The following GRIA1 variants were observed in gnomAD, a reference collection of about 807,000 sequenced individuals.
GRIA1 encodes glutamate receptor 1.
In GRIA1, 31 loss-of-function variants were observed where a neutral mutation model predicts 99.2. The ratio of observed to expected loss-of-function variants is 0.31; its 90% confidence interval spans 0.23 to 0.42. The LOEUF is 0.42. Among genes scored for constraint, GRIA1 ranks in the 10% least tolerant of loss-of-function variants. GRIA1 has a pLI of 1.00. For missense variants in GRIA1, 782 were observed against 1,157.5 expected, an observed-to-expected ratio of 0.68 and a Z score of 4.71; for synonymous variants, 438 against 432.4, an observed-to-expected ratio of 1.01 and a Z score of -0.16.
intron 2 of GRIA1, among the ~76,000 whole-genome samples, chr5:153,617,758 C>T (rs12187326): frequency 0.024 from 3,706 of 152,222 alleles, 48 homozygotes; most frequent in Non-Finnish European, 0.038. Flanking sequence ...GCTTATCCTT[C>T]TCTTTATGTC....
intron 11 of GRIA1, among the ~76,000 whole-genome samples, chr5:153,731,196 T>TTC (rs956495655): frequency 2.0e-4 from 31 of 151,492 alleles, no homozygotes; most frequent in African/African-American, 7.3e-4. Flanking sequence ...TCTCTCTTCT[T>TTC]TCTCTCTCTC....
chr5:153,680,422 G>T (rs1181833568), intron 7 of GRIA1, among the ~76,000 whole-genome samples: 2 of 152,048 alleles, frequency 1.3e-5, no homozygotes, highest in Non-Finnish European at 2.9e-5. Flanking sequence ...CCCAAGTCGG[G>T]TTCTTAACAT....
chr5:153,546,025 T>C (rs1245080729), intron 2 of GRIA1, among the ~76,000 whole-genome samples: 1 of 152,182 alleles, frequency 6.6e-6, no homozygotes, highest in Admixed American at 6.5e-5. Context: ...TTCCAGTAGG[T>C]GGTCCAAAGA....
Position 153,531,957 on chromosome 5 carries a change from C to T in GRIA1, c.220+37892C>T, listed in dbSNP as rs1394788626. 3.3e-5 allele frequency among the ~76,000 whole-genome samples: 5 copies of T among 152,086 alleles called. No homozygotes were observed. In the South Asian group the frequency reaches 1.0e-3, roughly 32 times the overall value. On this transcript the variant is annotated intron_variant, in intron 2 of 15. Coordinates refer to ENST00000285900, the MANE Select transcript of GRIA1 (RefSeq NM_000827.4). The stretch of plus-strand genomic sequence containing the variant: ...AAGTGGTAGGGTCCACTTGAAAACC[C>T]ATACTTCCAGTCCATACTTGAAAAC...
At chr5:153,670,846 A>G (rs918661157) in intron 5 of GRIA1, among the ~76,000 whole-genome samples, 4 of 152,140 alleles carry the variant, frequency 2.6e-5, no homozygotes, top group African/African-American at 9.7e-5. Flanking sequence ...GTGCAGGTTC[A>G]TTTTCTTGAA....
chr5:153,778,626 A>T (rs993511127), intron 13 of GRIA1, among the ~76,000 whole-genome samples: 4 of 149,948 alleles, frequency 2.7e-5, no homozygotes, highest in African/African-American at 9.9e-5. Flanking sequence ...TCAGATAATA[A>T]AGATTATTTA....
At chr5:153,679,289 T>TAAAC (rs199925319) in intron 7 of GRIA1, among the ~76,000 whole-genome samples, 25,575 of 151,872 alleles carry the variant, frequency 0.17, 2,329 homozygotes, top group Non-Finnish European at 0.19. Context: ...AATAAATAAA[T>TAAAC]AAACAAACAA....
intron 2 of GRIA1, among the ~76,000 whole-genome samples, chr5:153,603,413 A>T (rs1765169039): frequency 6.6e-6 from 1 of 152,168 alleles, no homozygotes; most frequent in African/African-American, 2.4e-5. Flanking sequence ...TAGCAGCATG[A>T]TTTATAGCCC....
intron 2 of GRIA1, among the ~76,000 whole-genome samples, chr5:153,589,437 A>G (rs1446678870): frequency 6.6e-6 from 1 of 152,096 alleles, no homozygotes; most frequent in East Asian, 1.9e-4. Context: ...AAACTCAACA[A>G]ATTTGTTCCC....
chr5:153,749,878 A>C (rs1378161113), intron 11 of GRIA1, among the ~76,000 whole-genome samples: 1 of 152,180 alleles, frequency 6.6e-6, no homozygotes, highest in Non-Finnish European at 1.5e-5. Context: ...TTCTCTTTGA[A>C]ATATAGCCCT....
intron 2 of GRIA1, among the ~76,000 whole-genome samples, chr5:153,539,642 A>G (rs1281432373): frequency 3.9e-5 from 6 of 152,202 alleles, no homozygotes; most frequent in Non-Finnish European, 4.4e-5. Flanking sequence ...AAGTTTCTCA[A>G]TGTTGCTCAC....
At chr5:153,549,821 T>C (rs1050353651) in intron 2 of GRIA1, among the ~76,000 whole-genome samples, 1 of 152,266 alleles carries the variant, frequency 6.6e-6, no homozygotes, top group South Asian at 2.1e-4. Context: ...TGGACTCAGG[T>C]CTGCATTCCA....
At chr5:153,742,187 G>A (rs1761850485) in intron 11 of GRIA1, among the ~76,000 whole-genome samples, 1 of 152,190 alleles carries the variant, frequency 6.6e-6, no homozygotes, top group South Asian at 2.1e-4. Flanking sequence ...GTTGTCATTG[G>A]AGATGGATTT....
At chr5:153,804,728 A>T (rs150677140) in intron 15 of GRIA1, among the ~76,000 whole-genome samples, 12,252 of 135,908 alleles carry the variant, frequency 0.09, 720 homozygotes, top group Non-Finnish European at 0.13. Flanking sequence ...TTAATTAATT[A>T]ATTAATTTAT....
chr5:153,541,869 G>A (rs1477561745), intron 2 of GRIA1, among the ~76,000 whole-genome samples: 1 of 141,416 alleles, frequency 7.1e-6, no homozygotes, highest in African/African-American at 2.5e-5. Context: ...GGTGGAGGTT[G>A]CAGTGAGCTG....
At chr5:153,751,519 T>G (rs1318075287) in intron 11 of GRIA1, among the ~76,000 whole-genome samples, 1 of 152,216 alleles carries the variant, frequency 6.6e-6, no homozygotes, top group Non-Finnish European at 1.5e-5. Context: ...GCTTACATAT[T>G]GTCTATGGCT....
At chr5:153,489,686 C>G (rs1753735982), upstream of GRIA1, 1 of 409,064 alleles carries the variant, frequency 2.4e-6, no homozygotes, top group Non-Finnish European at 4.9e-6. Context: ...CACAGCTGAT[C>G]TCTCTACAGG....
chr5:153,748,727 T>A (rs1305626292), intron 11 of GRIA1, among the ~76,000 whole-genome samples: 2 of 152,014 alleles, frequency 1.3e-5, no homozygotes, highest in African/African-American at 4.8e-5. Context: ...CAGAAATGAC[T>A]CCCTGGTGTT....
chr5:153,501,846 G>C (rs1755041770), intron 2 of GRIA1, among the ~76,000 whole-genome samples: 1 of 152,202 alleles, frequency 6.6e-6, no homozygotes. Flanking sequence ...CTGATCCAGT[G>C]CAGTGCCTGG....
Sources: allele counts gnomAD v4.1 joint callset (sites outside exome capture counted in the v4.1 genomes callset), GRCh38; gene constraint gnomAD v4.1.1; transcripts MANE v1.5; gene names NCBI Gene and HGNC (gene_info 2026-07-23, HGNC 2026-07-21).